Variants in HEATR5A observed in about 807,000 individuals in gnomAD.
HEATR5A encodes HEAT repeat containing 5A.
Under a neutral mutation model 218.8 loss-of-function variants are expected in HEATR5A, and 178 were observed. That is an observed-to-expected ratio of 0.81 (90% CI 0.72 to 0.92). The LOEUF (loss-of-function observed/expected upper bound fraction) is 0.92. HEATR5A is among the 40% of genes least tolerant of loss of function. HEATR5A has a pLI of 0.00. For missense variants in HEATR5A, 2,420 were observed against 2,418.9 expected, an observed-to-expected ratio of 1.00 and a Z score of -0.01; for synonymous variants, 864 against 871.6, an observed-to-expected ratio of 0.99 and a Z score of 0.15.
At chr14:31,366,568 G>A (rs895259634) in intron 13 of HEATR5A, among the ~76,000 whole-genome samples, 5 of 152,094 alleles carry the variant, frequency 3.3e-5, no homozygotes, top group East Asian at 1.9e-4. Flanking sequence ...TGGTTTCTGC[G>A]TTCATTAGGA....
rs1457018983 is a variant in HEATR5A at position 31,395,345 on chromosome 14, G to C, written c.451C>G (p.Gln151Glu). 1.3e-6 allele frequency: 2 copies of C among 1,493,894 alleles called. No individual in the cohort carries two copies. The highest frequency in any genetic ancestry group is 8.9e-7 in the Non-Finnish European group (1 of 1,122,032). 92.5% of individuals were successfully genotyped at this position (1,493,894 alleles called of 1,614,324 possible). A position where few individuals can be genotyped will look rare whatever the true frequency, so the allele number is the denominator to read the frequency against. The change falls in exon 5 of 36, where the codon CAA becomes GAA. Residue 151 changes from glutamine (Q) to glutamate (E), a missense_variant. Transcript: ENST00000543095. ...CTTAGCATAATCTCATATCGGCCTT[G>C]AGACTTCCAAAAAGAAAAAAAATTA... ...ILKAMKSAESQGRYEIMLSLQ... is the reference protein window; with the variant it reads ...ILKAMKSAESEGRYEIMLSLQ...
chr14:31,346,312 T>C (rs1901019710), intron 19 of HEATR5A, among the ~76,000 whole-genome samples: 1 of 152,074 alleles, frequency 6.6e-6, no homozygotes, highest in Admixed American at 6.6e-5. Context: ...AAGAAGAATA[T>C]AATAGAAGCA....
Position 31,400,345 on chromosome 14 carries a change from A to G in HEATR5A, c.294T>C (p.Leu98=). 1 of 1,535,838 alleles carries G rather than the reference A, an allele frequency of 6.5e-7. No individual in the cohort carries two copies. The highest frequency in any genetic ancestry group is 8.7e-7 in the Non-Finnish European group (1 of 1,146,674). Reference sequence around the variant, plus strand: ...TTGGAGAATCATCTTTGCTACGAATAAGATCATTACATTTATCGATTGCTT... The same window carrying G: ...TTGGAGAATCATCTTTGCTACGAATGAGATCATTACATTTATCGATTGCTT... The part of the protein sequence containing the change: ...VHEAIDKCND[L]IRSKDDSPSY... The change falls in exon 3 of 36, where the codon CTT becomes CTC. Residue 98 remains leucine, a synonymous_variant. Coordinates refer to ENST00000543095, the MANE Select transcript of HEATR5A (RefSeq NM_015473.4).
chr14:31,306,261 T>G (rs1435234746), intron 31 of HEATR5A, among the ~76,000 whole-genome samples: 1 of 152,122 alleles, frequency 6.6e-6, no homozygotes, highest in Non-Finnish European at 1.5e-5. Context: ...GTGGATTGCC[T>G]GAGTCCAGGA....
At chr14:31,314,013 T>A (rs1466974547) in intron 27 of HEATR5A, among the ~76,000 whole-genome samples, 1 of 152,220 alleles carries the variant, frequency 6.6e-6, no homozygotes, top group Non-Finnish European at 1.5e-5. Flanking sequence ...AGTGGTGCCA[T>A]CTCAGCTCAC....
In HEATR5A at chr14:31,381,559, A is replaced by G. The variant is rs1293727019; in HGVS notation, c.1597-981T>C. 1.4e-3 allele frequency among the ~76,000 whole-genome samples: 3 copies of G among 2,106 alleles called. No homozygotes were observed. In the Admixed American group the frequency reaches 0.026, roughly 18 times the overall value. 1.4% of individuals were successfully genotyped at this position (2,106 alleles called of 152,430 possible). On this transcript the variant is annotated intron_variant, in intron 10 of 35. Transcript: ENST00000543095. Reference sequence around the variant, plus strand: ...ATAAAGAAAGACCATGTCTCCTTGGAAAAAAAAAAAAAAAAAAAAAAAGGA... The same window carrying G: ...ATAAAGAAAGACCATGTCTCCTTGGGAAAAAAAAAAAAAAAAAAAAAAGGA...
At chr14:31,320,671 A>G (rs2139164175) in intron 25 of HEATR5A, 1 of 551,274 alleles carries the variant, frequency 1.8e-6, no homozygotes. Context: ...TGGTCTCAGC[A>G]CTCAGCTTCC....
At chr14:31,351,794 T>A (rs559218183) in intron 16 of HEATR5A, among the ~76,000 whole-genome samples, 12 of 151,284 alleles carry the variant, frequency 7.9e-5, no homozygotes, top group South Asian at 2.1e-4. Flanking sequence ...TTTTTTTTTT[T>A]AAAAGAGATG....
intron 22 of HEATR5A, among the ~76,000 whole-genome samples, chr14:31,326,688 G>A (rs1900277645): frequency 6.6e-6 from 1 of 152,018 alleles, no homozygotes; most frequent in African/African-American, 2.4e-5. Context: ...TGTTGCCCAG[G>A]CTAGAGTGCA....
intron 5 of HEATR5A, among the ~76,000 whole-genome samples, chr14:31,394,797 G>A (rs541019449): frequency 1.0e-3 from 158 of 152,128 alleles, no homozygotes; most frequent in African/African-American, 3.5e-3. Flanking sequence ...CAGCCTGGGC[G>A]ACAGAGTCTC....
At chr14:31,399,316 C>T (rs1441871087) in intron 3 of HEATR5A, among the ~76,000 whole-genome samples, 2 of 152,162 alleles carry the variant, frequency 1.3e-5, no homozygotes, top group Admixed American at 1.3e-4. Context: ...TGTGATTACT[C>T]TACTATTCAG....
At chr14:31,364,002 C>T (rs186079605) in intron 14 of HEATR5A, among the ~76,000 whole-genome samples, 187 bp downstream of exon 14, 8 of 152,064 alleles carry the variant, frequency 5.3e-5, no homozygotes, top group Non-Finnish European at 8.8e-5. Flanking sequence ...AACAAAACCC[C>T]GAATGTTTTT....
In HEATR5A at chr14:31,347,759, G is replaced by C. The variant is rs776151697; in HGVS notation, c.2857C>G (p.Pro953Ala). ...LYTLAQDSTSPDVQTWALHSL... is the reference protein window; with the variant it reads ...LYTLAQDSTSADVQTWALHSL... ...CATGAGGTACCCACCTGCACATCAG[G>C]AGAAGTGCTGTCCTGCGCCAAAGTA... is the stretch of plus-strand genomic sequence containing the variant. The change falls in exon 19 of 36, where the codon CCT becomes GCT. Residue 953 changes from proline to alanine, a missense_variant. Coordinates refer to ENST00000543095, the MANE Select transcript of HEATR5A (RefSeq NM_015473.4). 6.3e-7 allele frequency: 1 copy of C among 1,595,700 alleles called. No individual in the cohort carries two copies. The highest frequency in any genetic ancestry group is 8.5e-7 in the Non-Finnish European group (1 of 1,173,632).
At chr14:31,370,987 G>T (rs1200632996) in intron 13 of HEATR5A, among the ~76,000 whole-genome samples, 1 of 152,142 alleles carries the variant, frequency 6.6e-6, no homozygotes, top group Non-Finnish European at 1.5e-5. Context: ...GCTGGAGAGG[G>T]GCACACAGAC....
rs1024790093 is a variant in HEATR5A at position 31,293,666 on chromosome 14, G to A, written c.5834-54C>T. 5.5e-6 allele frequency: 8 copies of A among 1,452,690 alleles called. No homozygotes were observed. The African/African-American group carries it at 8.6e-5, about 16-fold the overall frequency. The allele number at this position is 1,452,690 out of a possible 1,614,324, so 90.0% of individuals were successfully genotyped here. On this transcript the variant is annotated intron_variant, in intron 35 of 35. Transcript: ENST00000543095. The stretch of plus-strand genomic sequence containing the variant: ...AGTGACATAAATGTTTCTAACAAAA[G>A]CCTGCAAATGCACTTGATCTGTATA...
chr14:31,337,343 T>C (rs1047397473), intron 22 of HEATR5A, 133 bp downstream of exon 22: 144 of 721,412 alleles, frequency 2.0e-4, no homozygotes, highest in Non-Finnish European at 3.1e-4. Flanking sequence ...TTGGAATAAC[T>C]GTTAGCAATT....
At position 31,398,048 on chromosome 14, in the gene HEATR5A, C is replaced by G. The variant is rs1443182779; in HGVS notation, c.447+625G>C. ...ACATATAAATGCTTTCATTTCAAAA[C>G]CAGTAAAACCACAGCTGGCAAGAGA... On this transcript the variant is annotated intron_variant, in intron 4 of 35. Coordinates refer to ENST00000543095, the MANE Select transcript of HEATR5A (RefSeq NM_015473.4). Among the ~76,000 whole-genome samples, 3 of 152,118 alleles carry G rather than the reference C, an allele frequency of 2.0e-5. No individual in the cohort carries two copies. The East Asian group carries it at 5.8e-4, about 29-fold the overall frequency.
In HEATR5A at chr14:31,374,889, T is replaced by C; in HGVS notation, c.1788A>G (p.Leu596=). ...KCVFPASPKD[L]ETEKSRGDSF... is the part of the protein sequence containing the mutation. ...AATCTCCTCGGCTCTTTTCTGTTTCTAGATCTTTAGGAGATGCTGGAAAGA... is the reference window on the plus strand; with the variant it reads ...AATCTCCTCGGCTCTTTTCTGTTTCCAGATCTTTAGGAGATGCTGGAAAGA... The change falls in exon 12 of 36, where the codon CTA becomes CTG. Residue 596 remains leucine (L), a synonymous_variant. Coordinates refer to ENST00000543095, the MANE Select transcript of HEATR5A (RefSeq NM_015473.4). The C allele has an allele frequency of 6.2e-7, 1 of 1,613,580 alleles. No homozygotes were observed. Among genetic ancestry groups the C allele is most frequent in the Non-Finnish European group, 8.5e-7 (1 of 1,179,752 alleles).
At chr14:31,346,397 G>A (rs1426338506) in intron 19 of HEATR5A, among the ~76,000 whole-genome samples, 1 of 152,214 alleles carries the variant, frequency 6.6e-6, no homozygotes, top group Non-Finnish European at 1.5e-5. Context: ...AGATGAAGTG[G>A]AGGAGGCGAG....
Sources: allele counts gnomAD v4.1 joint callset (sites outside exome capture counted in the v4.1 genomes callset), GRCh38; gene constraint gnomAD v4.1.1; transcripts MANE v1.5; gene names NCBI Gene and HGNC (gene_info 2026-07-23, HGNC 2026-07-21).